Variants in LARGE1 observed in about 807,000 individuals in gnomAD.
LARGE1 encodes the protein LARGE xylosyl- and glucuronyltransferase 1, also known as xylosyl- and glucuronyltransferase LARGE1.
A neutral mutation model predicts 87.6 loss-of-function variants in LARGE1; 43 were observed. The observed-to-expected ratio is 0.49, with a 90% CI of 0.38 to 0.63. LARGE1 has a LOEUF of 0.63. LARGE1 is among the 30% of genes least tolerant of loss of function. LARGE1 has a pLI of 0.00. For synonymous variants in LARGE1, 434 were observed against 394.6 expected (o/e 1.10, Z -1.18); for missense variants, 802 against 1,000.2 (o/e 0.80, Z 2.67).
intron 6 of LARGE1, among the ~76,000 whole-genome samples, chr22:33,504,222 A>G (rs1294375994): frequency 6.6e-6 from 1 of 152,178 alleles, no homozygotes; most frequent in East Asian, 1.9e-4. Flanking sequence ...CTCTGAATAT[A>G]CTAAAATCCC....
At chr22:33,340,014 T>TAGGAGGTGGGATCTTCGAGAAGTC (rs1182752882) in intron 9 of LARGE1, among the ~76,000 whole-genome samples, 13 of 148,876 alleles carry the variant, frequency 8.7e-5, no homozygotes, top group African/African-American at 2.9e-4. Flanking sequence ...CACCTTAATT[T>TAGGAGGTGGGATCTTCGAGAAGTC]ATTATTAATA....
chr22:33,851,440 A>G (rs1414915144), intron 1 of LARGE1, among the ~76,000 whole-genome samples: 1 of 152,210 alleles, frequency 6.6e-6, no homozygotes, highest in Non-Finnish European at 1.5e-5. Context: ...TTCCACAATT[A>G]TCAAGTGACT....
intron 9 of LARGE1, among the ~76,000 whole-genome samples, chr22:33,353,010 T>C (rs1412763818): frequency 6.6e-6 from 1 of 152,218 alleles, no homozygotes; most frequent in African/African-American, 2.4e-5. Context: ...CTTCCTTAGC[T>C]ACATTACAAA....
intron 7 of LARGE1, among the ~76,000 whole-genome samples, chr22:33,396,715 T>C (rs2065759674): frequency 6.6e-6 from 1 of 152,062 alleles, no homozygotes; most frequent in Non-Finnish European, 1.5e-5. Context: ...TAGAGGTATG[T>C]TCTAGGCAGA....
At chr22:33,342,509 A>C (rs947720250) in intron 9 of LARGE1, among the ~76,000 whole-genome samples, 1 of 152,148 alleles carries the variant, frequency 6.6e-6, no homozygotes, top group African/African-American at 2.4e-5. Context: ...CTGGAAGTCA[A>C]CTCTGAAGCC....
At chr22:33,544,107 T>C (rs541839043) in intron 6 of LARGE1, among the ~76,000 whole-genome samples, 2 of 152,316 alleles carry the variant, frequency 1.3e-5, no homozygotes, top group South Asian at 2.1e-4. Flanking sequence ...CAACGTATTG[T>C]TGGGGGAATT....
At chr22:33,901,933 C>T (rs1417947447) in intron 1 of LARGE1, among the ~76,000 whole-genome samples, 2 of 152,124 alleles carry the variant, frequency 1.3e-5, no homozygotes, top group African/African-American at 4.8e-5. Flanking sequence ...CTACCTACTC[C>T]CCACATCTTT....
chr22:33,330,257 C>T (rs1937580284), intron 10 of LARGE1, among the ~76,000 whole-genome samples: 1 of 152,156 alleles, frequency 6.6e-6, no homozygotes, highest in African/African-American at 2.4e-5. Flanking sequence ...GAGAATAGCT[C>T]TGATTATCCA....
At chr22:33,127,329 C>T in the LARGE1 span, among the ~76,000 whole-genome samples, 1 of 118,300 alleles carries the variant, frequency 8.5e-6, no homozygotes, top group Non-Finnish European at 1.9e-5. Flanking sequence ...CACAAGTGGT[C>T]AGGTGAGAGT....
intron 2 of LARGE1, among the ~76,000 whole-genome samples, chr22:33,667,563 G>A (rs1301824540): frequency 1.3e-5 from 2 of 152,222 alleles, no homozygotes; most frequent in Non-Finnish European, 2.9e-5. Context: ...CCAAGAAAAG[G>A]TGCCTAAAAG....
chr22:33,493,077 A>AGTG (rs2069928991), intron 6 of LARGE1, among the ~76,000 whole-genome samples: 1 of 151,724 alleles, frequency 6.6e-6, no homozygotes, highest in Non-Finnish European at 1.5e-5. Context: ...CTGGCACATA[A>AGTG]CTCGAGGGTC....
chr22:33,191,966 C>T (rs1368664513), intron 11 of LARGE1, among the ~76,000 whole-genome samples: 1 of 152,094 alleles, frequency 6.6e-6, no homozygotes, highest in Non-Finnish European at 1.5e-5. Context: ...CAAGCATAAT[C>T]AGAAATATTT....
chr22:33,686,700 GCCCTT>G (rs2081955422), intron 2 of LARGE1, among the ~76,000 whole-genome samples: 1 of 152,082 alleles, frequency 6.6e-6, no homozygotes, highest in Non-Finnish European at 1.5e-5. Context: ...GGACTATGGC[GCCCTT>G]CTCTTCCTGG....
chr22:33,224,491 C>G lies in LARGE1; in HGVS notation c.1731-57659G>C, dbSNP rs573700021. Among the ~76,000 whole-genome samples the G allele has an allele frequency of 6.7e-4, 102 of 152,218 alleles. No individual in the cohort carries two copies. The South Asian group carries it at 7.1e-3, about 11-fold the overall frequency. On this transcript the variant is annotated intron_variant, in intron 11 of 11. Coordinates refer to the LARGE1 transcript ENST00000608642. Reference sequence around the variant, plus strand: ...GCCTCAAGTGATTTGAGTAAAAAACCTAACCTAAGGAGAAGCTCTATATTC... The same window carrying G: ...GCCTCAAGTGATTTGAGTAAAAAACGTAACCTAAGGAGAAGCTCTATATTC...
At chr22:33,876,538 A>T (rs1394840324) in intron 1 of LARGE1, among the ~76,000 whole-genome samples, 1 of 152,090 alleles carries the variant, frequency 6.6e-6, no homozygotes, top group East Asian at 1.9e-4. Flanking sequence ...AAGCAAACTA[A>T]CACAGGAACA....
intron 12 of LARGE1, among the ~76,000 whole-genome samples, chr22:33,284,285 C>G (rs777863302): frequency 1.8e-4 from 27 of 152,188 alleles, no homozygotes; most frequent in Non-Finnish European, 7.3e-5. Flanking sequence ...AAACTGGGCA[C>G]TTTCAGGTTC....
chr22:33,306,875 AAAAG>A (rs1166042295), intron 11 of LARGE1, among the ~76,000 whole-genome samples: 2 of 151,868 alleles, frequency 1.3e-5, no homozygotes, highest in African/African-American at 4.8e-5. Context: ...AAAAAAAAAA[AAAAG>A]AATAGAGAAA....
chr22:33,490,203 T>C (rs2069770097), intron 6 of LARGE1, among the ~76,000 whole-genome samples: 2 of 152,222 alleles, frequency 1.3e-5, no homozygotes, highest in African/African-American at 2.4e-5. Flanking sequence ...AAGTTATTCC[T>C]ACCAAGTTCA....
chr22:33,846,351 T>C (rs1289082698), intron 1 of LARGE1, among the ~76,000 whole-genome samples: 1 of 152,238 alleles, frequency 6.6e-6, no homozygotes, highest in African/African-American at 2.4e-5. Flanking sequence ...CCCCAATCAA[T>C]ACCCTTGTGA....
Sources: gnomAD v4.1 joint callset for allele counts (sites outside exome capture counted in the v4.1 genomes callset) on GRCh38, gnomAD v4.1.1 for gene constraint, MANE v1.5 for transcripts, NCBI Gene and HGNC (gene_info 2026-07-23, HGNC 2026-07-21) for gene names.